PDE4D: variants seen among roughly 807,000 people sequenced by gnomAD.
The protein encoded by PDE4D is phosphodiesterase 4D, also known as 3',5'-cyclic-AMP phosphodiesterase 4D.
PDE4D carries 24 observed loss-of-function variants against 87.4 expected under a neutral mutation model. That is an observed-to-expected ratio of 0.27 (90% CI 0.20 to 0.39). The LOEUF (loss-of-function observed/expected upper bound fraction) is 0.39, where lower values mean the gene tolerates loss of function less well. PDE4D is among the 10% of genes least tolerant of loss of function. The pLI is 1.00. For missense variants in PDE4D, 714 were observed against 1,041.0 expected (o/e 0.69, Z 4.32); for synonymous variants, 384 against 383.2 (o/e 1.00, Z -0.02).
At chr5:59,275,590 G>A in intron 1 of PDE4D, 2 of 1,372,588 alleles carry the variant, frequency 1.5e-6, no homozygotes, top group Non-Finnish European at 1.9e-6. Flanking sequence ...ACACGCAGGA[G>A]CGCTTTCTTC....
chr5:59,339,097 C>T (rs562547471), intron 1 of PDE4D, among the ~76,000 whole-genome samples: 1 of 152,300 alleles, frequency 6.6e-6, no homozygotes. Context: ...CCAAGCCCTA[C>T]CTTTGTCCTA....
At position 59,231,626 on chromosome 5, in the gene PDE4D, T is replaced by G. The variant is rs79815419; in HGVS notation, c.456-15658A>C. Among the ~76,000 whole-genome samples the G allele has an allele frequency of 2.8e-4, 43 of 152,346 alleles. 1 individual carries two copies. Among genetic ancestry groups the G allele is most frequent in the African/African-American group, 1.0e-3 (42 of 41,576 alleles). On this transcript the variant is annotated intron_variant, in intron 1 of 14. Transcript: ENST00000340635. Reference sequence around the variant, plus strand: ...AAGTCATTTAATTTGGGGGCTTATTTGTCAGCACAATAACATTCAACACAG... The same window carrying G: ...AAGTCATTTAATTTGGGGGCTTATTGGTCAGCACAATAACATTCAACACAG...
intron 2 of PDE4D, 50 bp from the exon 3 acceptor site, chr5:59,193,586 T>G: frequency 6.2e-7 from 1 of 1,600,336 alleles, no homozygotes; most frequent in Non-Finnish European, 8.5e-7. Context: ...AACTCTGTGC[T>G]CAGTGTCGTT....
At chr5:59,268,964 C>T (rs987119884) in intron 1 of PDE4D, among the ~76,000 whole-genome samples, 2 of 152,024 alleles carry the variant, frequency 1.3e-5, no homozygotes, top group Non-Finnish European at 2.9e-5. Context: ...GTCATCATCC[C>T]TTCTGATTCA....
At chr5:60,025,897 A>G (rs965337225) in intron 2 of PDE4D, among the ~76,000 whole-genome samples, 1 of 152,134 alleles carries the variant, frequency 6.6e-6, no homozygotes, top group Non-Finnish European at 1.5e-5. Context: ...CAACAAACAA[A>G]CAAATCCTAA....
At chr5:59,956,849 T>C (rs1237226312) in intron 3 of PDE4D, among the ~76,000 whole-genome samples, 1 of 152,110 alleles carries the variant, frequency 6.6e-6, no homozygotes, top group South Asian at 2.1e-4. Flanking sequence ...ATTGCCTAAA[T>C]TGAAACAAAT....
At chr5:59,477,353 T>TAAAAAAAAAAA (rs35047246) in intron 1 of PDE4D, among the ~76,000 whole-genome samples, 3 of 88,296 alleles carry the variant, frequency 3.4e-5, no homozygotes, top group South Asian at 3.2e-4. Flanking sequence ...TAGAGTATAA[T>TAAAAAAAAAAA]AAAAAAAAAA....
chr5:59,743,680 G>T (rs1393746199), intron 1 of PDE4D, among the ~76,000 whole-genome samples: 1 of 152,054 alleles, frequency 6.6e-6, no homozygotes, highest in African/African-American at 2.4e-5. Context: ...TATCCCAAAA[G>T]AATTAAAAGC....
At chr5:60,418,371 T>C (rs1742799383) in intron 1 of PDE4D, among the ~76,000 whole-genome samples, 1 of 152,124 alleles carries the variant, frequency 6.6e-6, no homozygotes, top group African/African-American at 2.4e-5. Context: ...GGAAATAAAA[T>C]TGCACTTTTA....
At chr5:59,874,471 C>T (rs1202915928) in intron 1 of PDE4D, among the ~76,000 whole-genome samples, 1 of 151,998 alleles carries the variant, frequency 6.6e-6, no homozygotes, top group East Asian at 1.9e-4. Flanking sequence ...TTTCACTTAA[C>T]AAGACTGTAG....
chr5:59,075,759 A>G (rs908426870), intron 5 of PDE4D, among the ~76,000 whole-genome samples: 1 of 152,122 alleles, frequency 6.6e-6, no homozygotes, highest in African/African-American at 2.4e-5. Flanking sequence ...AGATATAAGT[A>G]TTGTCTTTTA....
intron 1 of PDE4D, among the ~76,000 whole-genome samples, chr5:59,402,206 TC>T (rs2153614644): frequency 6.6e-6 from 1 of 152,340 alleles, no homozygotes; most frequent in East Asian, 1.9e-4. Context: ...AAGTGTGAAT[TC>T]AAAAACTCAC....
intron 1 of PDE4D, among the ~76,000 whole-genome samples, chr5:59,479,784 C>G (rs145902097): frequency 2.0e-5 from 3 of 152,068 alleles, no homozygotes; most frequent in Non-Finnish European, 2.9e-5. Flanking sequence ...ATTCCAGCTG[C>G]TTGTCCTTTT....
At chr5:60,378,284 T>G (rs1177989728) in intron 1 of PDE4D, among the ~76,000 whole-genome samples, 1 of 152,210 alleles carries the variant, frequency 6.6e-6, no homozygotes, top group Admixed American at 6.5e-5. Flanking sequence ...TCATCTTCTC[T>G]ATAATTTAAA....
chr5:59,276,276 T>G (rs1196722976), intron 1 of PDE4D, among the ~76,000 whole-genome samples: 2 of 152,016 alleles, frequency 1.3e-5, no homozygotes, highest in African/African-American at 2.4e-5. Flanking sequence ...TAAAACCATT[T>G]CCTTCTCTGG....
chr5:59,988,419 T>C, intron 3 of PDE4D: 2 of 1,011,886 alleles, frequency 2.0e-6, no homozygotes, highest in South Asian at 1.9e-5. Context: ...CCACAAAAAC[T>C]CAAAAGACCA....
intron 1 of PDE4D, among the ~76,000 whole-genome samples, chr5:60,399,649 T>G (rs951145358): frequency 1.3e-5 from 2 of 152,204 alleles, no homozygotes; most frequent in African/African-American, 4.8e-5. Context: ...GCAACTGTGG[T>G]GGCAGCAGCC....
chr5:60,230,347 A>G (rs530641827), intron 1 of PDE4D, among the ~76,000 whole-genome samples: 62 of 152,240 alleles, frequency 4.1e-4, no homozygotes, highest in Non-Finnish European at 4.0e-4. Flanking sequence ...GGTTCTGAAG[A>G]AAAAACAAGT....
intron 2 of PDE4D, among the ~76,000 whole-genome samples, chr5:60,156,988 G>T (rs1216941350): frequency 6.6e-6 from 1 of 151,994 alleles, no homozygotes; most frequent in African/African-American, 2.4e-5. Context: ...TGCAGCAAAA[G>T]ATATTTTTTA....
Sources: allele counts gnomAD v4.1 joint callset (sites outside exome capture counted in the v4.1 genomes callset), GRCh38; gene constraint gnomAD v4.1.1; transcripts MANE v1.5; gene names NCBI Gene and HGNC (gene_info 2026-07-23, HGNC 2026-07-21).